Variants in IQCJ observed in about 807,000 individuals in gnomAD.
IQCJ encodes the protein IQ domain-containing protein J.
Under a neutral mutation model 11.0 loss-of-function variants are expected in IQCJ, and 9 were observed. That is an observed-to-expected ratio of 0.82 (90% confidence interval 0.49 to 1.43). The LOEUF is 1.43. Ranked by LOEUF, IQCJ falls within the 40% of genes most tolerant of loss-of-function variation. IQCJ has a pLI of 0.00. For synonymous variants in IQCJ, 55 were observed against 51.3 expected, an observed-to-expected ratio of 1.07 and a Z score of -0.31; for missense variants, 146 against 133.2, an observed-to-expected ratio of 1.10 and a Z score of -0.47.
chr3:159,189,095 A>G (rs753599728), intron 1 of IQCJ, among the ~76,000 whole-genome samples: 1 of 152,148 alleles, frequency 6.6e-6, no homozygotes, highest in Non-Finnish European at 1.5e-5. Flanking sequence ...GTTCCACATT[A>G]TGGGGCAGAA....
chr3:159,086,125 T>G (rs1465806993), intron 1 of IQCJ, among the ~76,000 whole-genome samples: 1 of 152,220 alleles, frequency 6.6e-6, no homozygotes, highest in Non-Finnish European at 1.5e-5. Context: ...AGTTTCAGCT[T>G]TCTACATATG....
chr3:159,169,279 C>CTTTTTTTTTTTTTTTTTTTTTTT (rs141888128), intron 1 of IQCJ, among the ~76,000 whole-genome samples: 2 of 56,406 alleles, frequency 3.5e-5, no homozygotes, highest in African/African-American at 7.8e-5. Context: ...TTCTTTCTTT[C>CTTTTTTTTTTTTTTTTTTTTTTT]TTTTTTTTTT....
intron 1 of IQCJ, among the ~76,000 whole-genome samples, chr3:159,242,212 C>T (rs748265059): frequency 1.1e-4 from 16 of 152,142 alleles, no homozygotes; most frequent in Admixed American, 7.2e-4. Context: ...GTGTTACATA[C>T]GGCTCTATAG....
chr3:159,184,691 G>C (rs1577066463), intron 1 of IQCJ, among the ~76,000 whole-genome samples: 1 of 152,252 alleles, frequency 6.6e-6, no homozygotes, highest in Middle Eastern at 3.4e-3. Flanking sequence ...TGAGGACTGA[G>C]TCCATCATTT....
intron 1 of IQCJ, among the ~76,000 whole-genome samples, chr3:159,081,406 A>G (rs1716300991): frequency 6.6e-6 from 1 of 152,074 alleles, no homozygotes; most frequent in African/African-American, 2.4e-5. Flanking sequence ...GAATGCTGAT[A>G]TCAGAGCCAG....
chr3:159,085,222 C>A (rs957486358), intron 1 of IQCJ, among the ~76,000 whole-genome samples: 9 of 151,888 alleles, frequency 5.9e-5, no homozygotes, highest in African/African-American at 1.9e-4. Flanking sequence ...CCAATTTCAT[C>A]CATGTCCCTA....
At chr3:159,086,272 C>A (rs1411128412) in intron 1 of IQCJ, among the ~76,000 whole-genome samples, 3 of 152,116 alleles carry the variant, frequency 2.0e-5, no homozygotes, top group African/African-American at 7.2e-5. Flanking sequence ...TTCCATTGAT[C>A]TATATGTCTG....
At chr3:159,262,063 G>A (rs1279367379) in intron 3 of IQCJ, among the ~76,000 whole-genome samples, 1 of 152,238 alleles carries the variant, frequency 6.6e-6, no homozygotes, top group Non-Finnish European at 1.5e-5. Context: ...GTCATGCAAA[G>A]GACTGCTCTG....
chr3:159,215,067 A>G (rs1355429931), intron 1 of IQCJ, among the ~76,000 whole-genome samples: 2 of 152,338 alleles, frequency 1.3e-5, no homozygotes, highest in South Asian at 2.1e-4. Context: ...AGAAAAGTGT[A>G]CAAATTTACT....
At chr3:159,166,276 CTT>C (rs1722163176) in intron 1 of IQCJ, among the ~76,000 whole-genome samples, 1 of 152,146 alleles carries the variant, frequency 6.6e-6, no homozygotes. Context: ...GTTTCCTGCT[CTT>C]TTGTAACTTT....
chr3:159,194,691 C>A (rs549191718), intron 1 of IQCJ, among the ~76,000 whole-genome samples: 1 of 152,256 alleles, frequency 6.6e-6, no homozygotes, highest in East Asian at 1.9e-4. Flanking sequence ...TTCTTTGAAC[C>A]ATTTGATCTT....
At chr3:159,118,910 C>A (rs1194267151) in intron 1 of IQCJ, among the ~76,000 whole-genome samples, 1 of 152,196 alleles carries the variant, frequency 6.6e-6, no homozygotes, top group Non-Finnish European at 1.5e-5. Flanking sequence ...CAGACAACAG[C>A]CTTTCTTCTC....
intron 1 of IQCJ, among the ~76,000 whole-genome samples, chr3:159,127,951 C>T (rs929168157): frequency 2.6e-5 from 4 of 152,086 alleles, no homozygotes; most frequent in Admixed American, 6.6e-5. Flanking sequence ...ATGTGATAAA[C>T]GATTATCATT....
At chr3:159,197,178 T>C (rs1221441072) in intron 1 of IQCJ, among the ~76,000 whole-genome samples, 1 of 152,206 alleles carries the variant, frequency 6.6e-6, no homozygotes, top group Non-Finnish European at 1.5e-5. Flanking sequence ...CTTTTCTGAA[T>C]GAGCAGTAGA....
At chr3:159,226,548 A>T (rs979989364) in intron 1 of IQCJ, among the ~76,000 whole-genome samples, 7 of 152,206 alleles carry the variant, frequency 4.6e-5, no homozygotes, top group African/African-American at 1.7e-4. Flanking sequence ...GTTATGCAAG[A>T]TGCTAATATT....
chr3:159,215,999 T>C (rs1725205569), intron 1 of IQCJ, among the ~76,000 whole-genome samples: 1 of 150,644 alleles, frequency 6.6e-6, no homozygotes, highest in Admixed American at 6.7e-5. Context: ...GGAATAAATT[T>C]ATGCATAAAT....
At chr3:159,161,410 A>G (rs1721849046) in intron 1 of IQCJ, among the ~76,000 whole-genome samples, 2 of 152,074 alleles carry the variant, frequency 1.3e-5, no homozygotes, top group South Asian at 4.2e-4. Flanking sequence ...GTTTGAGTTC[A>G]TTGTAGATTC....
At chr3:159,172,362 A>G (rs1187933161) in intron 1 of IQCJ, among the ~76,000 whole-genome samples, 1 of 152,214 alleles carries the variant, frequency 6.6e-6, no homozygotes, top group Non-Finnish European at 1.5e-5. Context: ...AAGTATACAT[A>G]GAAAAAGTAT....
At chr3:159,212,579 G>T (rs1426005586) in intron 1 of IQCJ, among the ~76,000 whole-genome samples, 1 of 152,152 alleles carries the variant, frequency 6.6e-6, no homozygotes, top group African/African-American at 2.4e-5. Flanking sequence ...TGTATAGCAT[G>T]CCCTACACTG....
Sources: gnomAD v4.1 joint callset for allele counts (sites outside exome capture counted in the v4.1 genomes callset) on GRCh38, gnomAD v4.1.1 for gene constraint, MANE v1.5 for transcripts, NCBI Gene and HGNC (gene_info 2026-07-23, HGNC 2026-07-21) for gene names.